Variants in BPTF observed in about 807,000 individuals in gnomAD.
The protein encoded by BPTF is nucleosome-remodeling factor subunit BPTF.
A neutral mutation model predicts 292.5 loss-of-function variants in BPTF; 18 were observed. The observed-to-expected ratio is 0.06, with a 90% CI of 0.04 to 0.09. The LOEUF is 0.09. Among genes scored for constraint, BPTF ranks in the 10% least tolerant of loss-of-function variants. The pLI is 1.00. For missense variants in BPTF, 2,726 were observed against 3,498.7 expected (o/e 0.78, Z 5.57); for synonymous variants, 1,225 against 1,251.9 (o/e 0.98, Z 0.45).
At chr17:67,851,995 A>T (rs2058437911) in intron 1 of BPTF, among the ~76,000 whole-genome samples, 1 of 142,120 alleles carries the variant, frequency 7.0e-6, no homozygotes, top group South Asian at 2.3e-4. Flanking sequence ...GAAATTGATA[A>T]TGAGTGTAAT....
rs140867963 is a variant in BPTF at position 67,982,519 on chromosome 17, A to G, written c.*231A>G. 340 of 401,930 alleles carry G rather than the reference A, an allele frequency of 8.5e-4. 1 individual carries two copies. In the East Asian group the frequency reaches 0.011, roughly 13 times the overall value. The allele number at this position is 401,930 out of a possible 1,614,324, so 24.9% of individuals were successfully genotyped here. A position where few individuals can be genotyped will look rare whatever the true frequency, so the allele number is the denominator to read the frequency against. ...CTTGTCAAGATCAGATGGTTTTACT[A>G]TTGTGGCAGAAGCGAGAAAACTTTG... On this transcript the variant is annotated 3_prime_UTR_variant, in exon 28 of 28. Transcript: ENST00000306378.
At chr17:67,943,148 G>A (rs1040816415) in intron 19 of BPTF, among the ~76,000 whole-genome samples, 18 of 152,074 alleles carry the variant, frequency 1.2e-4, no homozygotes, top group African/African-American at 3.6e-4. Context: ...GAGTCATATG[G>A]GGACTTCTAG....
chr17:67,848,323 T>C (rs2058177049), intron 1 of BPTF, among the ~76,000 whole-genome samples: 1 of 152,172 alleles, frequency 6.6e-6, no homozygotes, highest in Non-Finnish European at 1.5e-5. Context: ...TGAACAAATA[T>C]TTTTTTAGTT....
chr17:67,932,260 A>G (rs1325902487), intron 18 of BPTF, among the ~76,000 whole-genome samples: 3 of 152,268 alleles, frequency 2.0e-5, no homozygotes, highest in Non-Finnish European at 4.4e-5. Context: ...AATAAAATAT[A>G]TAATTGAAGT....
chr17:67,912,514 G>C lies in BPTF; in HGVS notation c.4630G>C (p.Val1544Leu), dbSNP rs746052057. 1.9e-6 allele frequency: 3 copies of C among 1,613,924 alleles called. No homozygotes were observed. Among genetic ancestry groups the C allele is most frequent in the Non-Finnish European group, 2.5e-6 (3 of 1,179,948 alleles). Reference sequence around the variant, plus strand: ...AATAGAAACCTCAGAAGTTAAGAAAGTTACTTCATCACCTATTACTTCTGA... The same window carrying C: ...AATAGAAACCTCAGAAGTTAAGAAACTTACTTCATCACCTATTACTTCTGA... ...MEIETSEVKKVTSSPITSEEE... is the reference protein window; with the variant it reads ...MEIETSEVKKLTSSPITSEEE... Residue 1544 changes from valine (V) to leucine (L), a missense_variant, in exon 11 of 28, where the codon GTT (valine) becomes CTT (leucine). By Grantham distance (32) the Val-to-Leu change is conservative. Around this residue, in one of 22 missense-constraint regions of BPTF, gnomAD observed 713 missense variants for 714.9 expected, o/e 1.00. Transcript: ENST00000306378.
chr17:67,963,526 T>C, intron 24 of BPTF: 8 of 1,393,832 alleles, frequency 5.7e-6, no homozygotes, highest in Non-Finnish European at 7.5e-6. Context: ...GATAAGAGCA[T>C]CATATTTAAT....
rs546623630 is a variant in BPTF, at chr17:67,979,130, A to G, written c.8727-3122A>G. ...CGCTGCAGTGAGCCATCTTCATGCCACTGCACTCCAGCCTGGAAGACACAA... is the reference window on the plus strand; with the variant it reads ...CGCTGCAGTGAGCCATCTTCATGCCGCTGCACTCCAGCCTGGAAGACACAA... On this transcript the variant is annotated intron_variant, in intron 27 of 27. Coordinates refer to ENST00000306378, the MANE Select transcript of BPTF (RefSeq NM_182641.4). Among the ~76,000 whole-genome samples, 3 of 132,750 alleles carry G rather than the reference A, an allele frequency of 2.3e-5. No homozygotes were observed. In the East Asian group the frequency reaches 7.4e-4, roughly 33 times the overall value. The allele number at this position is 132,750 out of a possible 152,430, so 87.1% of individuals were successfully genotyped here.
intron 23 of BPTF, among the ~76,000 whole-genome samples, chr17:67,949,296 C>T (rs1382430951): frequency 6.6e-6 from 1 of 152,046 alleles, no homozygotes; most frequent in Non-Finnish European, 1.5e-5. Flanking sequence ...ACCCGGAAAG[C>T]AGAGGTTGCA....
chr17:67,968,968 C>T (rs1461116652), intron 26 of BPTF, among the ~76,000 whole-genome samples: 1 of 147,898 alleles, frequency 6.8e-6, no homozygotes, highest in Non-Finnish European at 1.5e-5. Context: ...GTAACAAAAG[C>T]GAAACTCCAT....
At chr17:67,893,259 A>G (rs2146302988) in intron 5 of BPTF, 111 bp from the exon 6 acceptor site, 1 of 730,276 alleles carries the variant, frequency 1.4e-6, no homozygotes, top group East Asian at 2.7e-5. Context: ...CATAAGATTT[A>G]TCTTAACTTA....
chr17:67,951,686 A>G (rs1555678559), intron 23 of BPTF: 3 of 152,212 alleles, frequency 2.0e-5, no homozygotes, highest in African/African-American at 7.2e-5. Flanking sequence ...TCTTGTATAT[A>G]TTACTTTAAT....
At chr17:67,887,223 C>T (rs941398111) in intron 4 of BPTF, among the ~76,000 whole-genome samples, 1 of 152,142 alleles carries the variant, frequency 6.6e-6, no homozygotes, top group East Asian at 1.9e-4. Flanking sequence ...GGTTAAGTTT[C>T]TTACATGTAT....
intron 3 of BPTF, among the ~76,000 whole-genome samples, chr17:67,867,350 T>C (rs34872586): frequency 0.2 from 31,017 of 152,216 alleles, 3,977 homozygotes; most frequent in East Asian, 0.66. Context: ...AAAATAAAAC[T>C]TTAAATTTTA....
At chr17:67,935,163 C>T (rs2064810665) in intron 18 of BPTF, among the ~76,000 whole-genome samples, 2 of 152,178 alleles carry the variant, frequency 1.3e-5, no homozygotes, top group Admixed American at 1.3e-4. Context: ...GTGGCTCACA[C>T]CTGTAATCCC....
In BPTF at chr17:67,866,608, C is replaced by T. The variant is rs1435085641; in HGVS notation, c.1581C>T (p.Ile527=). ...CKILEEMREE[I]HRHMDITEDL... The stretch of plus-strand genomic sequence containing the variant: ...TTCTAGAAGAAATGCGTGAAGAAAT[C>T]CACCGACACATGGACATAACTGAAG... The change falls in exon 3 of 28, where the codon ATC becomes ATT. Residue 527 remains isoleucine (I), a synonymous_variant. Transcript: ENST00000306378. 1 of 1,613,860 alleles carries T rather than the reference C, an allele frequency of 6.2e-7. No homozygotes were observed. The highest frequency in any genetic ancestry group is 8.5e-7 in the Non-Finnish European group (1 of 1,179,870).
chr17:67,846,731 G>A (rs555399430), intron 1 of BPTF, among the ~76,000 whole-genome samples: 2 of 152,196 alleles, frequency 1.3e-5, no homozygotes, highest in East Asian at 1.9e-4. Context: ...TGGAGACAGG[G>A]TCCCTGTCGC....
At chr17:67,974,148 ACT>A (rs2069115548) in intron 26 of BPTF, 1 of 152,168 alleles carries the variant, frequency 6.6e-6, no homozygotes, top group Non-Finnish European at 1.5e-5. Context: ...ATTGGAGATT[ACT>A]GGCCTTTCAC....
At chr17:67,962,130 G>A (rs1477828137) in intron 24 of BPTF, among the ~76,000 whole-genome samples, 1 of 85,934 alleles carries the variant, frequency 1.2e-5, no homozygotes, top group Non-Finnish European at 3.5e-5. Context: ...GCTATACAGC[G>A]AGACAAAAGA....
intron 26 of BPTF, chr17:67,973,910 C>G (rs1215189941): frequency 3.3e-5 from 5 of 151,744 alleles, no homozygotes; most frequent in Non-Finnish European, 7.4e-5. Context: ...CTGTTTTGAA[C>G]TTGTCTGCGT....
Sources: allele counts gnomAD v4.1 joint callset (sites outside exome capture counted in the v4.1 genomes callset), GRCh38; gene constraint gnomAD v4.1.1; regional missense constraint gnomAD v4.1.1; transcripts MANE v1.5; gene names NCBI Gene and HGNC (gene_info 2026-07-23, HGNC 2026-07-21).